CRYBB2: variants seen among roughly 807,000 people sequenced by gnomAD.
CRYBB2 encodes crystallin beta B2.
In CRYBB2, 12 loss-of-function variants were observed where a neutral mutation model predicts 24.3. That is an observed-to-expected ratio of 0.49 (90% CI 0.32 to 0.80). CRYBB2 has a LOEUF of 0.80. Among genes scored for constraint, CRYBB2 ranks in the 30% least tolerant of loss-of-function variants. The probability of loss-of-function intolerance (pLI) is 0.04; values close to 1 mark genes in which losing one functional copy is unlikely to be tolerated. For missense variants in CRYBB2, 198 were observed against 268.5 expected (o/e 0.74, Z 1.83); for synonymous variants, 98 against 101.6 (o/e 0.96, Z 0.21).
At chr22:25,228,909 C>T (rs1254751721) in intron 4 of CRYBB2, among the ~76,000 whole-genome samples, 9 of 152,080 alleles carry the variant, frequency 5.9e-5, no homozygotes, top group Admixed American at 6.5e-5. Context: ...TTAGCCTGTG[C>T]GTGTGTGTGT....
At chr22:25,220,358 G>A (rs1005947703) in intron 1 of CRYBB2, among the ~76,000 whole-genome samples, 1 of 152,192 alleles carries the variant, frequency 6.6e-6, no homozygotes, top group African/African-American at 2.4e-5. Context: ...CATAGGGAGA[G>A]GATGAGACCT....
rs182944567 is a variant in CRYBB2, at chr22:25,229,994, G to A, written c.449+416G>A. ...GCGTGTGTCCCTAAGTTTGGGAACAGGAGGTGTCATTTTCCACTGAATCAA... is the reference window on the plus strand; with the variant it reads ...GCGTGTGTCCCTAAGTTTGGGAACAAGAGGTGTCATTTTCCACTGAATCAA... On this transcript the variant is annotated intron_variant, in intron 5 of 5. Coordinates refer to ENST00000398215, the MANE Select transcript of CRYBB2 (RefSeq NM_000496.3). Among the ~76,000 whole-genome samples, 393 of 151,810 alleles carry A rather than the reference G, an allele frequency of 2.6e-3. 2 individuals are homozygous for A. Among genetic ancestry groups the A allele is most frequent in the African/African-American group, 9.2e-3 (380 of 41,450 alleles).
At chr22:25,218,847 A>AGAAAGAAAGAAAGAGAAAGAAAGG (rs1569016585), upstream of CRYBB2, among the ~76,000 whole-genome samples, 13 of 114,554 alleles carry the variant, frequency 1.1e-4, 2 homozygotes, top group African/African-American at 3.8e-4. Context: ...AGAGAAAGAA[A>AGAAAGAAAGAAAGAGAAAGAAAGG]GAAAGAAAGA....
chr22:25,213,131 G>C (rs982194638), intron 1 of CRYBB2, among the ~76,000 whole-genome samples: 1 of 152,200 alleles, frequency 6.6e-6, no homozygotes, highest in East Asian at 1.9e-4. Flanking sequence ...CATGCACGTA[G>C]ATGGGTTACA....
At chr22:25,217,874 CAG>C (rs948423782), upstream of CRYBB2, among the ~76,000 whole-genome samples, 5 of 152,094 alleles carry the variant, frequency 3.3e-5, no homozygotes, top group Non-Finnish European at 7.4e-5. Flanking sequence ...AAATGAGAGA[CAG>C]GGGAAAGCAG....
intron 1 of CRYBB2, among the ~76,000 whole-genome samples, chr22:25,214,562 T>C (rs1935143069): frequency 6.6e-6 from 1 of 152,340 alleles, no homozygotes; most frequent in African/African-American, 2.4e-5. Flanking sequence ...ATAAAAAGTC[T>C]TTTAAAACAT....
intron 2 of CRYBB2, among the ~76,000 whole-genome samples, chr22:25,222,440 T>C (rs946626074): frequency 6.6e-6 from 1 of 152,196 alleles, no homozygotes; most frequent in Non-Finnish European, 1.5e-5. Context: ...GAGCTGACTT[T>C]GAGCAGACAC....
intron 3 of CRYBB2, among the ~76,000 whole-genome samples, chr22:25,226,376 TTA>T (rs1363049268): frequency 3.9e-5 from 6 of 152,182 alleles, no homozygotes; most frequent in Non-Finnish European, 8.8e-5. Flanking sequence ...GGGAGATGCT[TTA>T]AAATGGAGGT....
chr22:25,214,138 C>T (rs541199528), intron 1 of CRYBB2, among the ~76,000 whole-genome samples: 18 of 152,204 alleles, frequency 1.2e-4, no homozygotes, highest in East Asian at 5.8e-4. Flanking sequence ...TTGGAGTTCG[C>T]GACCTACCTG....
intron 4 of CRYBB2, 129 bp downstream of exon 4, chr22:25,228,114 T>A: frequency 7.0e-7 from 1 of 1,420,960 alleles, no homozygotes; most frequent in Non-Finnish European, 9.7e-7. Context: ...CCCCTTCTGA[T>A]TGGTGAGGAA....
At chr22:25,218,166 G>C (rs537607916), upstream of CRYBB2, among the ~76,000 whole-genome samples, 1 of 152,076 alleles carries the variant, frequency 6.6e-6, no homozygotes, top group Non-Finnish European at 1.5e-5. Context: ...GGCTGAAGGA[G>C]GAGAATGGTG....
upstream of CRYBB2, among the ~76,000 whole-genome samples, chr22:25,216,244 G>A (rs1935168224): frequency 2.0e-5 from 3 of 152,152 alleles, no homozygotes; most frequent in Admixed American, 6.5e-5. Context: ...CTCAGAATGT[G>A]ACCTTCTATT....
upstream of CRYBB2, among the ~76,000 whole-genome samples, chr22:25,218,199 C>T (rs997138992): frequency 6.0e-5 from 9 of 151,114 alleles, no homozygotes; most frequent in Admixed American, 4.6e-4. Context: ...GCAGAGCTTG[C>T]AGTGAGCTGA....
chr22:25,225,482 C>T (rs949385822), intron 3 of CRYBB2, among the ~76,000 whole-genome samples: 2 of 152,096 alleles, frequency 1.3e-5, no homozygotes, highest in African/African-American at 4.8e-5. Context: ...TGCATCCACT[C>T]CTCCCTTCCC....
chr22:25,218,810 G>GAAAGAAAGAAAGAAAGAAAGAAAGA (rs1935262084), upstream of CRYBB2, among the ~76,000 whole-genome samples: 1 of 122,378 alleles, frequency 8.2e-6, no homozygotes, highest in African/African-American at 3.3e-5. Flanking sequence ...AAGAAAGAAA[G>GAAAGAAAGAAAGAAAGAAAGAAAGA]AAAGAAAGAA....
chr22:25,223,791 C>G (rs1935362872), intron 2 of CRYBB2, among the ~76,000 whole-genome samples: 1 of 152,078 alleles, frequency 6.6e-6, no homozygotes, highest in African/African-American at 2.4e-5. Flanking sequence ...GGGCAGTTTG[C>G]TGGGGAAGTG....
chr22:25,217,409 G>A (rs796600490), upstream of CRYBB2, among the ~76,000 whole-genome samples: 15 of 152,204 alleles, frequency 9.9e-5, no homozygotes, highest in African/African-American at 2.9e-4. Context: ...CCTCTGCCTC[G>A]TGGGTTCAAG....
intron 1 of CRYBB2, among the ~76,000 whole-genome samples, chr22:25,214,165 C>T (rs1339753218): frequency 1.3e-5 from 2 of 152,024 alleles, no homozygotes; most frequent in Non-Finnish European, 2.9e-5. Context: ...ACAGTAAGAC[C>T]CTATCCCTAA....
intron 4 of CRYBB2, among the ~76,000 whole-genome samples, chr22:25,228,974 G>T (rs1164722129): frequency 6.6e-6 from 1 of 151,004 alleles, no homozygotes; most frequent in Non-Finnish European, 1.5e-5. Flanking sequence ...GTCCATGTGT[G>T]TGTGCACGCA....
Sources: allele counts gnomAD v4.1 joint callset (sites outside exome capture counted in the v4.1 genomes callset), GRCh38; gene constraint gnomAD v4.1.1; transcripts MANE v1.5; gene names NCBI Gene and HGNC (gene_info 2026-07-23, HGNC 2026-07-21).